Variants in MALRD1 observed in about 807,000 individuals in gnomAD.
MALRD1 encodes MAM and LDL-receptor class A domain-containing protein 1.
In MALRD1, 247 loss-of-function variants were observed where a neutral mutation model predicts 242.1. The ratio of observed to expected loss-of-function variants is 1.02; its 90% CI spans 0.92 to 1.13. The LOEUF is 1.13. Among genes scored for constraint, MALRD1 ranks in the 50% most tolerant of loss-of-function variants. The probability of loss-of-function intolerance (pLI) is 0.00; values close to 1 mark genes in which losing one functional copy is unlikely to be tolerated. For synonymous variants in MALRD1, 995 were observed against 866.6 expected, an observed-to-expected ratio of 1.15 and a Z score of -2.60; for missense variants, 2,989 against 2,533.1, an observed-to-expected ratio of 1.18 and a Z score of -3.86.
At chr10:19,254,414 C>A (rs547215022) in intron 18 of MALRD1, among the ~76,000 whole-genome samples, 2 of 152,048 alleles carry the variant, frequency 1.3e-5, no homozygotes, top group African/African-American at 4.8e-5. Context: ...CCTGTATAAA[C>A]CTTGTTAATG....
intron 31 of MALRD1, among the ~76,000 whole-genome samples, chr10:19,519,724 A>G (rs1833793265): frequency 6.6e-6 from 1 of 152,208 alleles, no homozygotes; most frequent in Non-Finnish European, 1.5e-5. Context: ...TTATCACGCC[A>G]CTGCAATGTA....
At chr10:19,472,863 T>C (rs1218372062) in intron 29 of MALRD1, among the ~76,000 whole-genome samples, 1 of 151,636 alleles carries the variant, frequency 6.6e-6, no homozygotes, top group African/African-American at 2.4e-5. Flanking sequence ...TTTTTAATTT[T>C]TGTCTCATTC....
chr10:19,097,056 A>T (rs978079394), intron 4 of MALRD1, among the ~76,000 whole-genome samples: 4 of 152,238 alleles, frequency 2.6e-5, no homozygotes, highest in Non-Finnish European at 5.9e-5. Context: ...TTTAAGGAAT[A>T]ATAACAACTA....
chr10:19,325,746 TCC>T lies in MALRD1; in HGVS notation c.3576+1645_3576+1646del, dbSNP rs1588913187. ...GGAAGCAATCTATTGATAAGGACTC[TCC>T]CCCTTTTAAATACTATTAGCTTGCC... On this transcript the variant is annotated intron_variant, in intron 22 of 39. Coordinates refer to ENST00000454679, the MANE Select transcript of MALRD1 (RefSeq NM_001142308.3). Among the ~76,000 whole-genome samples, 8 of 152,188 alleles carry T rather than the reference TCC, an allele frequency of 5.3e-5. No homozygotes were observed. In the East Asian group the frequency reaches 1.5e-3, roughly 29 times the overall value.
At chr10:19,529,205 G>A (rs1257719331) in intron 31 of MALRD1, among the ~76,000 whole-genome samples, 1 of 152,122 alleles carries the variant, frequency 6.6e-6, no homozygotes, top group East Asian at 1.9e-4. Context: ...CTGCCTTCAA[G>A]AAAAACTATT....
chr10:19,548,243 C>T (rs902591997), intron 32 of MALRD1, among the ~76,000 whole-genome samples: 7 of 151,786 alleles, frequency 4.6e-5, no homozygotes, highest in Non-Finnish European at 1.0e-4. Context: ...AGGTGATTTG[C>T]CCCCCTCTGC....
At chr10:19,545,424 C>T (rs922704399) in intron 32 of MALRD1, among the ~76,000 whole-genome samples, 8 of 152,062 alleles carry the variant, frequency 5.3e-5, no homozygotes, top group Admixed American at 2.0e-4. Flanking sequence ...AAAAAGCAAT[C>T]GTGTCTATAT....
intron 4 of MALRD1, among the ~76,000 whole-genome samples, chr10:19,099,654 T>A (rs1252714064): frequency 1.3e-5 from 2 of 152,050 alleles, no homozygotes; most frequent in African/African-American, 4.8e-5. Context: ...ATCTTGCTGA[T>A]GTTTTGGAGA....
intron 2 of MALRD1, among the ~76,000 whole-genome samples, chr10:19,078,791 T>C (rs958112027): frequency 1.3e-5 from 2 of 151,840 alleles, no homozygotes. Context: ...GGTTATCTAA[T>C]TTGGTAGTAT....
At chr10:19,728,030 C>T (rs1835117508) in intron 38 of MALRD1, among the ~76,000 whole-genome samples, 1 of 151,972 alleles carries the variant, frequency 6.6e-6, no homozygotes. Flanking sequence ...TAATAGTTTA[C>T]CTTATAAATA....
At chr10:19,329,062 T>G (rs930029547) in intron 23 of MALRD1, among the ~76,000 whole-genome samples, 4 of 152,222 alleles carry the variant, frequency 2.6e-5, no homozygotes, top group Non-Finnish European at 5.9e-5. Context: ...AATTATTAAT[T>G]TAGCCATTCT....
intron 16 of MALRD1, 55 bp downstream of exon 16, chr10:19,204,468 G>T: frequency 8.4e-7 from 1 of 1,192,976 alleles, no homozygotes; most frequent in South Asian, 1.4e-5. Flanking sequence ...TGGTGGTGAA[G>T]TGTTTGCAGG....
At chr10:19,598,717 T>C (rs1294319783) in intron 34 of MALRD1, among the ~76,000 whole-genome samples, 1 of 152,044 alleles carries the variant, frequency 6.6e-6, no homozygotes, top group African/African-American at 2.4e-5. Context: ...TACATGGCCA[T>C]CAGCGTATGA....
At chr10:19,730,899 A>T (rs1835269557) in intron 39 of MALRD1, 118 bp downstream of exon 39, 6 of 938,226 alleles carry the variant, frequency 6.4e-6, no homozygotes, top group Admixed American at 5.4e-5. Context: ...AACTAAAAGA[A>T]ATGTTTTAGT....
intron 33 of MALRD1, among the ~76,000 whole-genome samples, chr10:19,590,493 A>G (rs1837716956): frequency 6.6e-6 from 1 of 151,510 alleles, no homozygotes; most frequent in South Asian, 2.1e-4. Flanking sequence ...AGAATTTCTA[A>G]GAAATCTCTG....
At chr10:19,666,597 T>C (rs1026954035) in intron 36 of MALRD1, among the ~76,000 whole-genome samples, 68 of 152,190 alleles carry the variant, frequency 4.5e-4, no homozygotes, top group African/African-American at 1.6e-3. Flanking sequence ...CTCTTGGGAA[T>C]ATTGCCAATT....
Position 19,311,245 on chromosome 10 carries a change from T to C in MALRD1, c.3420-12704T>C, listed in dbSNP as rs146680811. Among the ~76,000 whole-genome samples, 210 of 151,538 alleles carry C rather than the reference T, an allele frequency of 1.4e-3. 1 individual carries two copies. Among genetic ancestry groups the C allele is most frequent in the Non-Finnish European group, 2.6e-3 (174 of 67,578 alleles). ...TAACTCATGCACAGATATGTTACTT[T>C]TATTAACCTTGGTTATATTTTTCAT... On this transcript the variant is annotated intron_variant, in intron 21 of 39. Transcript: ENST00000454679.
chr10:19,295,009 T>C (rs1841625977), intron 21 of MALRD1, among the ~76,000 whole-genome samples: 1 of 152,060 alleles, frequency 6.6e-6, no homozygotes, highest in South Asian at 2.1e-4. Flanking sequence ...TATTAATATT[T>C]TTATGAGTCA....
intron 26 of MALRD1, among the ~76,000 whole-genome samples, chr10:19,380,458 T>A (rs1423626959): frequency 6.6e-6 from 1 of 152,034 alleles, no homozygotes; most frequent in African/African-American, 2.4e-5. Flanking sequence ...TTCTTTTGTT[T>A]CATTTTTTGC....
Sources: allele counts gnomAD v4.1 joint callset (sites outside exome capture counted in the v4.1 genomes callset), GRCh38; gene constraint gnomAD v4.1.1; transcripts MANE v1.5; gene names NCBI Gene and HGNC (gene_info 2026-07-23, HGNC 2026-07-21).